ADAMTS20: variants seen among roughly 807,000 people sequenced by gnomAD.
ADAMTS20 encodes ADAM metallopeptidase with thrombospondin type 1 motif 20.
A neutral mutation model predicts 260.1 loss-of-function variants in ADAMTS20; 225 were observed. The observed-to-expected ratio is 0.87, with a 90% CI of 0.78 to 0.97. The LOEUF (loss-of-function observed/expected upper bound fraction) is 0.97. Ranked by LOEUF, ADAMTS20 falls within the 50% of genes least tolerant of loss-of-function variation. The probability of loss-of-function intolerance (pLI) is 0.00; values close to 1 mark genes in which losing one functional copy is unlikely to be tolerated. For missense variants in ADAMTS20, 2,400 were observed against 2,337.7 expected, an observed-to-expected ratio of 1.03 and a Z score of -0.55; for synonymous variants, 802 against 769.5, an observed-to-expected ratio of 1.04 and a Z score of -0.70.
intron 3 of ADAMTS20, among the ~76,000 whole-genome samples, chr12:43,504,613 G>T (rs184366251): frequency 4.6e-5 from 7 of 152,130 alleles, no homozygotes; most frequent in East Asian, 1.9e-4. Context: ...TCAAGGAAAA[G>T]ATAAATATTT....
At chr12:43,518,498 C>T (rs899611196) in intron 3 of ADAMTS20, among the ~76,000 whole-genome samples, 2 of 152,112 alleles carry the variant, frequency 1.3e-5, no homozygotes, top group African/African-American at 2.4e-5. Flanking sequence ...CAAGTATTGG[C>T]ATGCCCCATA....
intron 4 of ADAMTS20, among the ~76,000 whole-genome samples, chr12:43,497,424 C>T (rs1942692949): frequency 6.6e-6 from 1 of 152,062 alleles, no homozygotes; most frequent in Admixed American, 6.5e-5. Flanking sequence ...AGTACAAAGT[C>T]ATCTATAAAA....
In ADAMTS20 at chr12:43,401,154, G is replaced by A. The variant is rs537723739; in HGVS notation, c.4285-1921C>T. ...CATGAAATGTAGCCATTTCTTTCTA[G>A]GATATTTGTAAGTGTTCAAAGAGAA... On this transcript the variant is annotated intron_variant, in intron 28 of 38. Coordinates refer to ENST00000389420, the MANE Select transcript of ADAMTS20 (RefSeq NM_025003.5). Among the ~76,000 whole-genome samples, 14 of 152,010 alleles carry A rather than the reference G, an allele frequency of 9.2e-5. 1 individual carries two copies. In the South Asian group the frequency reaches 2.9e-3, roughly 32 times the overall value.
chr12:43,425,157 A>C (rs944419556), intron 28 of ADAMTS20, among the ~76,000 whole-genome samples: 1 of 152,208 alleles, frequency 6.6e-6, no homozygotes, highest in Non-Finnish European at 1.5e-5. Flanking sequence ...TAATACAGGA[A>C]CAGAAAGCCA....
Position 43,428,623 on chromosome 12 carries a change from A to G in ADAMTS20, c.3654+12T>C, listed in dbSNP as rs372214017. 5.4e-4 allele frequency: 836 copies of G among 1,537,246 alleles called. 1 individual carries two copies. The highest frequency in any genetic ancestry group is 7.1e-4 in the Middle Eastern group (4 of 5,598). On this transcript the variant is annotated intron_variant, in intron 25 of 38. Transcript: ENST00000389420. ...ATTTTTCATTTTCTTTTTTTCTCAT[A>G]AGAATACTTACGGGTGACCAATCCC...
Position 43,473,003 on chromosome 12 carries a change from A to C in ADAMTS20, c.1118-4298T>G, listed in dbSNP as rs1166867002. Among the ~76,000 whole-genome samples, 7 of 105,364 alleles carry C rather than the reference A, an allele frequency of 6.6e-5. No homozygotes were observed. The East Asian group carries it at 1.9e-3, about 29-fold the overall frequency. The allele number at this position is 105,364 out of a possible 152,430, so 69.1% of individuals were successfully genotyped here. A position where few individuals can be genotyped will look rare whatever the true frequency, so the allele number is the denominator to read the frequency against. On this transcript the variant is annotated intron_variant, in intron 7 of 38. Transcript: ENST00000389420. ...ACATAACAATATTAACTTTAAATGT[A>C]AATGGACTAAATTCTCCAATTAAAA...
At chr12:43,540,109 C>T (rs1438376875) in intron 2 of ADAMTS20, among the ~76,000 whole-genome samples, 5 of 151,980 alleles carry the variant, frequency 3.3e-5, no homozygotes, top group African/African-American at 9.7e-5. Flanking sequence ...GTCTCGATCT[C>T]CTGATCCGCC....
chr12:43,443,490 G>A (rs1014482519), intron 16 of ADAMTS20, among the ~76,000 whole-genome samples: 1 of 151,726 alleles, frequency 6.6e-6, no homozygotes, highest in Non-Finnish European at 1.5e-5. Context: ...CAAAATGATA[G>A]AAGAGAATTT....
intron 37 of ADAMTS20, among the ~76,000 whole-genome samples, chr12:43,363,369 C>T (rs1294453223): frequency 1.3e-5 from 2 of 152,158 alleles, no homozygotes; most frequent in Non-Finnish European, 2.9e-5. Flanking sequence ...ACTCACAGAG[C>T]AGTCAATCTA....
chr12:43,465,623 T>C (rs1313345892), intron 9 of ADAMTS20, among the ~76,000 whole-genome samples: 4 of 152,054 alleles, frequency 2.6e-5, no homozygotes. Flanking sequence ...TCCAATTAAA[T>C]GAACATGTAA....
At chr12:43,452,816 A>G (rs539498833) in intron 12 of ADAMTS20, 121 bp from the exon 13 acceptor site, 2 of 867,146 alleles carry the variant, frequency 2.3e-6, no homozygotes, top group South Asian at 4.3e-5. Context: ...AACACTTTTT[A>G]ACAGAAGTAT....
At chr12:43,498,663 A>C (rs1007814914) in intron 4 of ADAMTS20, among the ~76,000 whole-genome samples, 2 of 152,222 alleles carry the variant, frequency 1.3e-5, no homozygotes, top group Non-Finnish European at 2.9e-5. Context: ...GTGGACACTT[A>C]TGTGCAAATA....
chr12:43,532,316 G>T, intron 2 of ADAMTS20, 121 bp from the exon 3 acceptor site: 2 of 815,312 alleles, frequency 2.5e-6, no homozygotes, highest in South Asian at 2.0e-5. Context: ...TTCACTAAGA[G>T]CCATCAACTG....
At chr12:43,537,152 C>G (rs180794168) in intron 2 of ADAMTS20, among the ~76,000 whole-genome samples, 1 of 152,112 alleles carries the variant, frequency 6.6e-6, no homozygotes, top group East Asian at 1.9e-4. Context: ...TCACTGCAAC[C>G]TCCACCTCCC....
rs1940388719 is a variant in ADAMTS20, at chr12:43,383,061, A to G, written c.4797+497T>C. Among the ~76,000 whole-genome samples the G allele has an allele frequency of 3.9e-5, 6 of 152,192 alleles. No individual in the cohort carries two copies. The South Asian group carries it at 1.2e-3, about 31-fold the overall frequency. On this transcript the variant is annotated intron_variant, in intron 31 of 38. Coordinates refer to ENST00000389420, the MANE Select transcript of ADAMTS20 (RefSeq NM_025003.5). Reference sequence around the variant, plus strand: ...ACAAGTATAGTGATAGATCACTAATATAGAAAACAGGTAAGGTCACTTATT... The same window carrying G: ...ACAAGTATAGTGATAGATCACTAATGTAGAAAACAGGTAAGGTCACTTATT...
At chr12:43,507,551 CAA>C (rs1282400585) in intron 3 of ADAMTS20, among the ~76,000 whole-genome samples, 1 of 152,170 alleles carries the variant, frequency 6.6e-6, no homozygotes, top group East Asian at 1.9e-4. Flanking sequence ...CAGAATCTCC[CAA>C]AGTCTGTCTG....
intron 21 of ADAMTS20, 151 bp downstream of exon 21, chr12:43,432,153 C>A: frequency 1.1e-6 from 1 of 880,906 alleles, no homozygotes; most frequent in South Asian, 1.9e-5. Context: ...GTGTGCCTGG[C>A]CTGTCTTATA....
chr12:43,436,844 G>C (rs777038769), intron 18 of ADAMTS20, among the ~76,000 whole-genome samples: 11 of 152,154 alleles, frequency 7.2e-5, no homozygotes, highest in African/African-American at 2.7e-4. Context: ...GAAGATGAGA[G>C]AATTCCTCTC....
At chr12:43,374,413 C>T (rs1028956199) in intron 36 of ADAMTS20, among the ~76,000 whole-genome samples, 2 of 152,034 alleles carry the variant, frequency 1.3e-5, no homozygotes, top group East Asian at 1.9e-4. Context: ...TTTGCCTCTT[C>T]ATGTAGATAT....
Sources: gnomAD v4.1 joint callset for allele counts (sites outside exome capture counted in the v4.1 genomes callset) on GRCh38, gnomAD v4.1.1 for gene constraint, MANE v1.5 for transcripts, NCBI Gene and HGNC (gene_info 2026-07-23, HGNC 2026-07-21) for gene names.